CHCHD6: variants seen among roughly 807,000 people sequenced by gnomAD.
The protein encoded by CHCHD6 is coiled-coil-helix-coiled-coil-helix domain containing 6, also known as MICOS complex subunit MIC25.
CHCHD6 carries 28 observed loss-of-function variants against 32.3 expected under a neutral mutation model. That is an observed-to-expected ratio of 0.87 (90% confidence interval 0.64 to 1.19). The LOEUF is 1.19. Among genes scored for constraint, CHCHD6 ranks in the 50% most tolerant of loss-of-function variants. The pLI, the probability that CHCHD6 is intolerant of heterozygous loss-of-function variation, is 0.00. For synonymous variants in CHCHD6, 122 were observed against 117.5 expected (o/e 1.04, Z -0.25); for missense variants, 333 against 307.0 (o/e 1.08, Z -0.63).
chr3:126,833,645 A>T (rs1344421884), intron 4 of CHCHD6, among the ~76,000 whole-genome samples: 1 of 152,204 alleles, frequency 6.6e-6, no homozygotes, highest in Non-Finnish European at 1.5e-5. Context: ...GCATCCACTC[A>T]ATACTTAGTG....
Position 126,798,511 on chromosome 3 carries a change from C to T in CHCHD6, c.412-54136C>T, listed in dbSNP as rs1286343504. 3.9e-5 allele frequency among the ~76,000 whole-genome samples: 6 copies of T among 152,148 alleles called. 1 individual carries two copies. The highest frequency in any genetic ancestry group is 6.3e-3 in the Middle Eastern group (2 of 316). ...TTCAGTGGATACGGTTTTCTTTTCC[C>T]CGCTGTTTTTCCTTTGTGGCAGGCC... On this transcript the variant is annotated intron_variant, in intron 4 of 7. Transcript: ENST00000290913.
intron 4 of CHCHD6, among the ~76,000 whole-genome samples, chr3:126,748,450 C>G (rs1230240985): frequency 6.6e-6 from 1 of 152,010 alleles, no homozygotes. Flanking sequence ...CAAAAATTAG[C>G]TGGGCGTGGT....
chr3:126,879,320 G>A (rs2077578514), intron 5 of CHCHD6, among the ~76,000 whole-genome samples: 2 of 152,174 alleles, frequency 1.3e-5, no homozygotes, highest in Admixed American at 1.3e-4. Flanking sequence ...ACATTGCTGT[G>A]GCCATTGCTG....
At chr3:126,705,108 C>T (rs778054423) in intron 1 of CHCHD6, among the ~76,000 whole-genome samples, 1 of 152,202 alleles carries the variant, frequency 6.6e-6, no homozygotes, top group Non-Finnish European at 1.5e-5. Context: ...GTTCTCTCTC[C>T]TTCAGCTCTC....
At chr3:126,835,701 C>T (rs141435761) in intron 4 of CHCHD6, among the ~76,000 whole-genome samples, 1 of 152,340 alleles carries the variant, frequency 6.6e-6, no homozygotes, top group East Asian at 1.9e-4. Context: ...ATCACTGGCT[C>T]CTTTTCTCCC....
At chr3:126,857,922 G>T (rs1479369586) in intron 5 of CHCHD6, among the ~76,000 whole-genome samples, 1 of 152,188 alleles carries the variant, frequency 6.6e-6, no homozygotes, top group African/African-American at 2.4e-5. Flanking sequence ...ACATGGGTAT[G>T]CCCCAGGACC....
intron 5 of CHCHD6, among the ~76,000 whole-genome samples, chr3:126,896,658 C>G (rs6770375): frequency 0.026 from 3,890 of 152,320 alleles, 62 homozygotes; most frequent in Middle Eastern, 0.061. Context: ...CTGATCAACC[C>G]GGCTGTAGAT....
chr3:126,718,919 TA>T (rs993251899), intron 1 of CHCHD6, among the ~76,000 whole-genome samples: 1 of 152,128 alleles, frequency 6.6e-6, no homozygotes, highest in Admixed American at 6.5e-5. Flanking sequence ...TGTGGCAACA[TA>T]AAAAAAATTA....
chr3:126,937,999 T>A (rs923101408), intron 6 of CHCHD6, among the ~76,000 whole-genome samples: 35 of 152,190 alleles, frequency 2.3e-4, no homozygotes, highest in Admixed American at 5.9e-4. Context: ...ATTCCCAGGC[T>A]ATGCGCAGAG....
At chr3:126,890,900 T>C (rs1455309200) in intron 5 of CHCHD6, among the ~76,000 whole-genome samples, 1 of 152,030 alleles carries the variant, frequency 6.6e-6, no homozygotes, top group Non-Finnish European at 1.5e-5. Flanking sequence ...GGAGGGAATG[T>C]TGGAGATGGG....
At chr3:126,809,033 G>A (rs189148284) in intron 4 of CHCHD6, among the ~76,000 whole-genome samples, 68 of 151,814 alleles carry the variant, frequency 4.5e-4, no homozygotes, top group African/African-American at 7.3e-4. Context: ...GTGCAGTGGC[G>A]TGATCTCAGC....
intron 6 of CHCHD6, among the ~76,000 whole-genome samples, chr3:126,955,417 C>T (rs548968330): frequency 3.3e-5 from 5 of 152,338 alleles, no homozygotes; most frequent in East Asian, 3.9e-4. Flanking sequence ...AATAAGAGGA[C>T]CCTTTAAGAC....
At chr3:126,878,313 C>T (rs114737338) in intron 5 of CHCHD6, among the ~76,000 whole-genome samples, 331 of 152,336 alleles carry the variant, frequency 2.2e-3, no homozygotes, top group African/African-American at 7.7e-3. Flanking sequence ...TTGAAAGAAA[C>T]CAGTGTTTCC....
At chr3:126,727,611 C>CGTAG (rs1392001550) in intron 2 of CHCHD6, among the ~76,000 whole-genome samples, 1 of 152,174 alleles carries the variant, frequency 6.6e-6, no homozygotes, top group Non-Finnish European at 1.5e-5. Context: ...AGGCGCCTAC[C>CGTAG]GCAGCAGCCC....
At chr3:126,718,697 C>G (rs945873698) in intron 1 of CHCHD6, among the ~76,000 whole-genome samples, 3 of 152,186 alleles carry the variant, frequency 2.0e-5, no homozygotes, top group African/African-American at 4.8e-5. Context: ...TATATTAGCC[C>G]TCTGTCCATT....
At chr3:126,859,079 C>G (rs1326375378) in intron 5 of CHCHD6, among the ~76,000 whole-genome samples, 1 of 152,224 alleles carries the variant, frequency 6.6e-6, no homozygotes, top group African/African-American at 2.4e-5. Context: ...GATTCATCGC[C>G]AAGGGCTGAG....
At chr3:126,765,387 C>T (rs563151156) in intron 4 of CHCHD6, among the ~76,000 whole-genome samples, 49 of 152,328 alleles carry the variant, frequency 3.2e-4, no homozygotes, top group Middle Eastern at 3.4e-3. Flanking sequence ...CGGGCACAGG[C>T]ACTTGACGGG....
At chr3:126,802,607 C>T (rs1296739312) in intron 4 of CHCHD6, among the ~76,000 whole-genome samples, 13 of 152,116 alleles carry the variant, frequency 8.5e-5, no homozygotes, top group Admixed American at 2.0e-4. Flanking sequence ...CTGAAAGTGA[C>T]GGGGAGAATG....
At chr3:126,852,340 C>T (rs1941503070) in intron 4 of CHCHD6, among the ~76,000 whole-genome samples, 1 of 152,114 alleles carries the variant, frequency 6.6e-6, no homozygotes, top group African/African-American at 2.4e-5. Context: ...ATGATGATCC[C>T]ACCTGCCCTT....
Sources: gnomAD v4.1 joint callset for allele counts (sites outside exome capture counted in the v4.1 genomes callset) on GRCh38, gnomAD v4.1.1 for gene constraint, MANE v1.5 for transcripts, NCBI Gene and HGNC (gene_info 2026-07-23, HGNC 2026-07-21) for gene names.